Variants in CPQ observed in about 807,000 individuals in gnomAD.
CPQ encodes the protein carboxypeptidase Q.
In CPQ, 37 loss-of-function variants were observed where a neutral mutation model predicts 45.7. That is an observed-to-expected ratio of 0.81 (90% CI 0.62 to 1.07). CPQ has a LOEUF of 1.07. Among genes scored for constraint, CPQ ranks in the 50% least tolerant of loss-of-function variants. The probability of loss-of-function intolerance (pLI) is 0.00; values close to 1 mark genes in which losing one functional copy is unlikely to be tolerated. For missense variants in CPQ, 537 were observed against 572.9 expected (o/e 0.94, Z 0.64); for synonymous variants, 186 against 205.8 (o/e 0.90, Z 0.82).
At chr8:96,843,567 G>T (rs750014613) in intron 3 of CPQ, among the ~76,000 whole-genome samples, 68 of 152,186 alleles carry the variant, frequency 4.5e-4, no homozygotes, top group Non-Finnish European at 6.8e-4. Context: ...GTATTTACTA[G>T]TCTGTCTCCC....
intron 3 of CPQ, among the ~76,000 whole-genome samples, chr8:96,872,882 CT>C (rs1341689976): frequency 6.6e-6 from 1 of 151,776 alleles, no homozygotes; most frequent in Non-Finnish European, 1.5e-5. Context: ...TTTAACTTTT[CT>C]TTTATCTTTA....
intron 5 of CPQ, among the ~76,000 whole-genome samples, chr8:96,972,821 C>G (rs990666182): frequency 9.9e-5 from 15 of 152,262 alleles, no homozygotes; most frequent in African/African-American, 3.6e-4. Context: ...AAGCCCCATT[C>G]CTAGGGGAAG....
intron 7 of CPQ, among the ~76,000 whole-genome samples, chr8:97,088,199 A>C (rs1346120964): frequency 6.6e-6 from 1 of 152,230 alleles, no homozygotes; most frequent in East Asian, 1.9e-4. Context: ...CATACATTTC[A>C]TGAAAGTACA....
At chr8:97,103,052 T>C (rs778460066) in intron 7 of CPQ, among the ~76,000 whole-genome samples, 1 of 152,140 alleles carries the variant, frequency 6.6e-6, no homozygotes, top group Non-Finnish European at 1.5e-5. Context: ...GCTTCCACCA[T>C]TGCGTTGTCC....
At chr8:96,854,557 A>AAAACCC (rs1554573253) in intron 3 of CPQ, among the ~76,000 whole-genome samples, 1 of 76,866 alleles carries the variant, frequency 1.3e-5, no homozygotes, top group African/African-American at 5.0e-5. Context: ...AAAAAAAAAA[A>AAAACCC]AATGTGGTGG....
At chr8:96,667,026 C>G (rs2130716968) in intron 1 of CPQ, among the ~76,000 whole-genome samples, 1 of 152,226 alleles carries the variant, frequency 6.6e-6, no homozygotes, top group East Asian at 1.9e-4. Context: ...CCTTTCTAGT[C>G]TCTCTTTTTT....
intron 4 of CPQ, among the ~76,000 whole-genome samples, chr8:96,940,839 A>G (rs973885479): frequency 6.6e-6 from 1 of 152,186 alleles, no homozygotes; most frequent in African/African-American, 2.4e-5. Context: ...AGTACCTCAT[A>G]TGATCTCTTT....
chr8:96,809,828 A>G (rs576175331), intron 2 of CPQ, among the ~76,000 whole-genome samples: 1 of 152,156 alleles, frequency 6.6e-6, no homozygotes, highest in Non-Finnish European at 1.5e-5. Context: ...GAAAGGAGGA[A>G]CATTCTTTAC....
chr8:96,946,038 C>T (rs924874964), intron 4 of CPQ, among the ~76,000 whole-genome samples: 2 of 152,198 alleles, frequency 1.3e-5, no homozygotes, highest in African/African-American at 4.8e-5. Flanking sequence ...ACAGACTGCA[C>T]ATATCAGGCC....
At chr8:96,703,917 A>G (rs1469804881) in intron 1 of CPQ, among the ~76,000 whole-genome samples, 1 of 152,198 alleles carries the variant, frequency 6.6e-6, no homozygotes, top group Non-Finnish European at 1.5e-5. Flanking sequence ...TCTATTCAAC[A>G]AATATTTTGA....
At chr8:97,023,303 A>G (rs963613167) in intron 5 of CPQ, among the ~76,000 whole-genome samples, 7 of 151,958 alleles carry the variant, frequency 4.6e-5, no homozygotes, top group Middle Eastern at 3.4e-3. Context: ...GAAAGACACA[A>G]TGGACTTTGG....
At chr8:97,063,016 T>G (rs1810578357) in intron 6 of CPQ, among the ~76,000 whole-genome samples, 1 of 152,184 alleles carries the variant, frequency 6.6e-6, no homozygotes, top group Non-Finnish European at 1.5e-5. Context: ...CTTGCTGGGT[T>G]GAATGGTAAT....
At chr8:96,835,425 T>A (rs563160442) in intron 3 of CPQ, among the ~76,000 whole-genome samples, 20 of 152,204 alleles carry the variant, frequency 1.3e-4, no homozygotes, top group African/African-American at 4.8e-4. Context: ...ACATCCACAG[T>A]GATCCCATTA....
intron 1 of CPQ, among the ~76,000 whole-genome samples, chr8:96,740,829 G>A (rs1316655948): frequency 2.0e-5 from 3 of 152,166 alleles, no homozygotes; most frequent in Non-Finnish European, 4.4e-5. Flanking sequence ...GATCATGGTG[G>A]ATAAGCTTTT....
At chr8:96,819,071 A>G (rs1811265725) in intron 2 of CPQ, among the ~76,000 whole-genome samples, 1 of 152,064 alleles carries the variant, frequency 6.6e-6, no homozygotes, top group Admixed American at 6.6e-5. Flanking sequence ...CGTAACTGAA[A>G]AACTATATTT....
At chr8:96,698,908 G>A (rs1809421412) in intron 1 of CPQ, among the ~76,000 whole-genome samples, 1 of 152,070 alleles carries the variant, frequency 6.6e-6, no homozygotes, top group African/African-American at 2.4e-5. Context: ...CAACCACTAT[G>A]GACAACAGTT....
intron 7 of CPQ, among the ~76,000 whole-genome samples, chr8:97,085,921 T>A (rs1333442985): frequency 6.6e-6 from 1 of 152,210 alleles, no homozygotes; most frequent in Non-Finnish European, 1.5e-5. Flanking sequence ...GGAAGTGACC[T>A]ACAAATTCTT....
At position 96,753,535 on chromosome 8, in the gene CPQ, A is replaced by G. The variant is rs149197877; in HGVS notation, c.-34-31329A>G. Among the ~76,000 whole-genome samples the G allele has an allele frequency of 6.6e-3, 923 of 139,362 alleles. 14 individuals are homozygous for G. Among genetic ancestry groups the G allele is most frequent in the African/African-American group, 0.021 (850 of 40,318 alleles). The allele number at this position is 139,362 out of a possible 152,430, so 91.4% of individuals were successfully genotyped here. A position where few individuals can be genotyped will look rare whatever the true frequency, so the allele number is the denominator to read the frequency against. On this transcript the variant is annotated intron_variant, in intron 1 of 7. Coordinates refer to ENST00000220763, the MANE Select transcript of CPQ (RefSeq NM_016134.4). ...GTTTTCTTCTATCTTGCATCCCTCA[A>G]GGTTTTACTTAAGAAATTTATAGTT...
chr8:96,649,273 G>C (rs1305130766), intron 1 of CPQ, among the ~76,000 whole-genome samples: 1 of 152,188 alleles, frequency 6.6e-6, no homozygotes, highest in Non-Finnish European at 1.5e-5. Context: ...CACTGTGCCT[G>C]GCTCTTTTCA....
Sources: gnomAD v4.1 joint callset for allele counts (sites outside exome capture counted in the v4.1 genomes callset) on GRCh38, gnomAD v4.1.1 for gene constraint, MANE v1.5 for transcripts, NCBI Gene and HGNC (gene_info 2026-07-23, HGNC 2026-07-21) for gene names.